Variants in SGCD observed in about 807,000 individuals in gnomAD.
SGCD encodes the protein delta-sarcoglycan.
SGCD carries 18 observed loss-of-function variants against 36.6 expected under a neutral mutation model. The observed-to-expected ratio is 0.49, with a 90% CI of 0.34 to 0.73. SGCD has a LOEUF of 0.73. Among genes scored for constraint, SGCD ranks in the 30% least tolerant of loss-of-function variants. The probability of loss-of-function intolerance (pLI) is 0.01; values close to 1 mark genes in which losing one functional copy is unlikely to be tolerated. For missense variants in SGCD, 387 were observed against 346.7 expected, an observed-to-expected ratio of 1.12 and a Z score of -0.92; for synonymous variants, 133 against 130.6, an observed-to-expected ratio of 1.02 and a Z score of -0.12.
Position 156,146,184 on chromosome 5 carries a change from G to GC in SGCD, c.-44+22167dup, listed in dbSNP as rs531104835. Among the ~76,000 whole-genome samples the GC allele has an allele frequency of 1.0e-3, 156 of 152,280 alleles. No individual in the cohort carries two copies. The Middle Eastern group carries it at 0.014, about 13-fold the overall frequency. Reference sequence around the variant, plus strand: ...GCTGAGATAGCGCCATTGCACTCCAGCCTGGGCGACAGAGCGAGACTCCAT... The same window carrying GC: ...GCTGAGATAGCGCCATTGCACTCCAGCCCTGGGCGACAGAGCGAGACTCCAT... On this transcript the variant is annotated intron_variant, in intron 3 of 9. Transcript: ENST00000517913.
chr5:156,269,469 CAAAAAAAAAAAAAAAAAAA>C (rs60893052), intron 3 of SGCD, among the ~76,000 whole-genome samples: 9 of 30,474 alleles, frequency 3.0e-4, no homozygotes, highest in East Asian at 2.6e-3. Flanking sequence ...GACTCCGTCT[CAAAAAAAAAAAAAAAAAAA>C]AAAAAAAAAA....
chr5:156,205,847 T>C (rs1030653864), intron 3 of SGCD, among the ~76,000 whole-genome samples: 9 of 151,784 alleles, frequency 5.9e-5, no homozygotes, highest in African/African-American at 2.2e-4. Context: ...TCGTCCTAGC[T>C]CCATTACAGA....
chr5:156,069,996 A>G (rs559606349), intron 1 of SGCD, among the ~76,000 whole-genome samples: 9,648 of 151,622 alleles, frequency 0.064, 990 homozygotes, highest in African/African-American at 0.21. Context: ...CTGAGAGTTT[A>G]CCAAAGTTGC....
At chr5:156,313,325 A>G (rs1021118772) in intron 3 of SGCD, among the ~76,000 whole-genome samples, 2 of 152,140 alleles carry the variant, frequency 1.3e-5, no homozygotes, top group Admixed American at 1.3e-4. Context: ...AAAGTTGTAC[A>G]TAATTTGTAC....
At chr5:156,311,696 T>G (rs1767393971) in intron 3 of SGCD, among the ~76,000 whole-genome samples, 1 of 152,174 alleles carries the variant, frequency 6.6e-6, no homozygotes, top group South Asian at 2.1e-4. Context: ...ATTGGGTTTC[T>G]GTATTTAAGT....
At chr5:156,481,042 G>A (rs1463881793) in intron 3 of SGCD, among the ~76,000 whole-genome samples, 2 of 152,086 alleles carry the variant, frequency 1.3e-5, no homozygotes, top group African/African-American at 2.4e-5. Flanking sequence ...AATTTCTCAG[G>A]GCATTGGTTT....
chr5:155,881,300 A>AAAT (rs1755878695), intron 1 of SGCD, among the ~76,000 whole-genome samples: 1 of 145,240 alleles, frequency 6.9e-6, no homozygotes, highest in African/African-American at 2.8e-5. Context: ...ACCACAAAAT[A>AAAT]AATAAATAAA....
intron 7 of SGCD, among the ~76,000 whole-genome samples, chr5:156,713,521 T>C (rs1755091322): frequency 1.3e-5 from 2 of 152,168 alleles, no homozygotes; most frequent in South Asian, 4.1e-4. Context: ...AGACAGGAGC[T>C]TGTGGTAAAC....
chr5:156,520,025 C>A (rs256827), intron 4 of SGCD, among the ~76,000 whole-genome samples: 1 of 151,920 alleles, frequency 6.6e-6, no homozygotes, highest in Non-Finnish European at 1.5e-5. Flanking sequence ...GGGCAGTCCA[C>A]CAAGAGAAAG....
chr5:156,423,617 A>T (rs1389918643), intron 3 of SGCD, among the ~76,000 whole-genome samples: 1 of 151,330 alleles, frequency 6.6e-6, no homozygotes, highest in Non-Finnish European at 1.5e-5. Flanking sequence ...GACACTTAAC[A>T]TATGCCCAAA....
the SGCD span, among the ~76,000 whole-genome samples, chr5:155,790,622 T>C: frequency 6.6e-6 from 1 of 152,094 alleles, no homozygotes; most frequent in Non-Finnish European, 1.5e-5. Context: ...GCATGAGCAA[T>C]GTGGAACTTG....
intron 3 of SGCD, among the ~76,000 whole-genome samples, chr5:156,346,778 C>CTTTTTTTTTTTTTTTTTT (rs138672769): frequency 1.3e-5 from 2 of 150,704 alleles, no homozygotes. Context: ...TTGGGCTTTA[C>CTTTTTTTTTTTTTTTTTT]TTTATTTTTT....
At chr5:156,354,706 A>G (rs545156326) in intron 3 of SGCD, among the ~76,000 whole-genome samples, 36 of 152,328 alleles carry the variant, frequency 2.4e-4, no homozygotes, top group African/African-American at 8.4e-4. Context: ...TGAGCTCTGA[A>G]TAACTCTCAG....
intron 4 of SGCD, among the ~76,000 whole-genome samples, chr5:156,521,016 CAAAAA>C (rs3075012): frequency 1.2e-4 from 7 of 56,728 alleles, no homozygotes; most frequent in African/African-American, 3.7e-4. Context: ...GACTCCGTCT[CAAAAA>C]AAAAAAAAAA....
chr5:156,260,060 CTG>C (rs1473105550), intron 3 of SGCD, among the ~76,000 whole-genome samples: 1 of 152,136 alleles, frequency 6.6e-6, no homozygotes, highest in African/African-American at 2.4e-5. Flanking sequence ...AGAAAAAACA[CTG>C]TTCACTGAAT....
intron 1 of SGCD, among the ~76,000 whole-genome samples, chr5:156,000,229 G>C (rs1758636881): frequency 1.5e-5 from 2 of 134,624 alleles, no homozygotes; most frequent in South Asian, 4.1e-4. Context: ...GGTACACACA[G>C]GTAGCACACA....
chr5:156,269,870 A>C (rs1038415497), intron 3 of SGCD, among the ~76,000 whole-genome samples: 20 of 152,116 alleles, frequency 1.3e-4, no homozygotes, highest in African/African-American at 4.3e-4. Flanking sequence ...AGAAACTCTT[A>C]AGTTTAATTA....
At chr5:156,342,729 C>G (rs1335714895) in intron 2 of SGCD, among the ~76,000 whole-genome samples, 2 of 152,190 alleles carry the variant, frequency 1.3e-5, no homozygotes, top group Non-Finnish European at 2.9e-5. Context: ...GAACCCAGTG[C>G]TTTGGGAGCC....
At chr5:155,887,274 G>C (rs1756026358) in intron 1 of SGCD, among the ~76,000 whole-genome samples, 1 of 152,174 alleles carries the variant, frequency 6.6e-6, no homozygotes, top group Non-Finnish European at 1.5e-5. Flanking sequence ...TCTTCTATTA[G>C]ATGATCAATC....
Sources: allele counts gnomAD v4.1 joint callset (sites outside exome capture counted in the v4.1 genomes callset), GRCh38; gene constraint gnomAD v4.1.1; transcripts MANE v1.5; gene names NCBI Gene and HGNC (gene_info 2026-07-23, HGNC 2026-07-21).